The following CNNM1 variants were observed in gnomAD, a reference collection of about 807,000 sequenced individuals.
CNNM1 encodes metal transporter CNNM1.
Under a neutral mutation model 78.8 loss-of-function variants are expected in CNNM1, and 44 were observed. The ratio of observed to expected loss-of-function variants is 0.56; its 90% CI spans 0.44 to 0.72. The LOEUF is 0.72. Among genes scored for constraint, CNNM1 ranks in the 30% least tolerant of loss-of-function variants. The pLI is 0.00. For synonymous variants in CNNM1, 584 were observed against 581.5 expected (o/e 1.00, Z -0.06); for missense variants, 1,101 against 1,292.2 (o/e 0.85, Z 2.27).
At chr10:99,352,018 T>A (rs1340212193) in intron 1 of CNNM1, among the ~76,000 whole-genome samples, 1 of 152,212 alleles carries the variant, frequency 6.6e-6, no homozygotes, top group African/African-American at 2.4e-5. Flanking sequence ...CCTTTTAAAG[T>A]GCACACTTAA....
At chr10:99,358,470 C>G (rs182895855) in intron 2 of CNNM1, among the ~76,000 whole-genome samples, 1 of 152,180 alleles carries the variant, frequency 6.6e-6, no homozygotes, top group Non-Finnish European at 1.5e-5. Flanking sequence ...CCTTTTCTTC[C>G]TTGCAGATAA....
intron 1 of CNNM1, among the ~76,000 whole-genome samples, chr10:99,345,906 G>A (rs954432072): frequency 6.6e-6 from 1 of 151,746 alleles, no homozygotes; most frequent in Non-Finnish European, 1.5e-5. Context: ...TGTTGCCCAG[G>A]GTGGTGTCGA....
chr10:99,330,673 T>G lies in CNNM1; in HGVS notation c.1286T>G (p.Val429Gly). Reference sequence around the variant, plus strand: ...GCCCTGGAGCTGCGCACCAAAGTTGTGGAGGAGGTGCTGACCCCCCTGGGA... The same window carrying G: ...GCCCTGGAGCTGCGCACCAAAGTTGGGGAGGAGGTGCTGACCCCCCTGGGA... ...QGALELRTKV[V>G]EEVLTPLGDC... is the part of the protein sequence containing the mutation. Residue 429 changes from valine to glycine, a missense_variant, in exon 1 of 11, where the codon GTG (valine) becomes GGG (glycine). This residue lies in a region of CNNM1 where 277 missense variants were observed against 423.2 expected (regional missense o/e 0.65). Transcript: ENST00000356713. 1 of 1,613,922 alleles carries G rather than the reference T, an allele frequency of 6.2e-7. No individual in the cohort carries two copies. Among genetic ancestry groups the G allele is most frequent in the Non-Finnish European group, 8.5e-7 (1 of 1,179,844 alleles).
chr10:99,364,944 TC>T lies in CNNM1; in HGVS notation c.2129-10del. On this transcript the variant is annotated splice_polypyrimidine_tract_variant and intron_variant, in intron 5 of 10. Coordinates refer to ENST00000356713, the MANE Select transcript of CNNM1 (RefSeq NM_020348.3). ...TTGCCTCTGAAACCCACTGCATGCT[TC>T]TGTCCTTAGATAATGACGTGCGGAA... The T allele has an allele frequency of 6.2e-7, 1 of 1,613,534 alleles. No individual in the cohort carries two copies. The highest frequency in any genetic ancestry group is 8.5e-7 in the Non-Finnish European group (1 of 1,179,602).
At chr10:99,337,488 A>G (rs1014514945) in intron 1 of CNNM1, among the ~76,000 whole-genome samples, 1 of 152,218 alleles carries the variant, frequency 6.6e-6, no homozygotes, top group African/African-American at 2.4e-5. Flanking sequence ...CACTTCTGTC[A>G]GGAATATGCT....
At position 99,356,222 on chromosome 10, in the gene CNNM1, G is replaced by A. The variant is rs139387143; in HGVS notation, c.1574-1290G>A. Among the ~76,000 whole-genome samples, 283 of 152,114 alleles carry A rather than the reference G, an allele frequency of 1.9e-3. 2 individuals are homozygous for A. Among genetic ancestry groups the A allele is most frequent in the African/African-American group, 2.6e-3 (106 of 41,488 alleles). On this transcript the variant is annotated intron_variant, in intron 1 of 10. Coordinates refer to ENST00000356713, the MANE Select transcript of CNNM1 (RefSeq NM_020348.3). ...TGTAATCCCCGCACTTTGGGAGGCC[G>A]AGGCAGGTGGATCATGAGGTCGAGG...
At chr10:99,373,999 A>G (rs777889437) in intron 6 of CNNM1, among the ~76,000 whole-genome samples, 5 of 152,152 alleles carry the variant, frequency 3.3e-5, no homozygotes, top group Non-Finnish European at 7.3e-5. Flanking sequence ...TTGATTCTGT[A>G]TCTTTGCTAT....
intron 1 of CNNM1, among the ~76,000 whole-genome samples, chr10:99,346,780 T>C (rs2030713297): frequency 6.6e-6 from 1 of 152,156 alleles, no homozygotes; most frequent in Admixed American, 6.5e-5. Context: ...GCTAATATTT[T>C]TAATTTTTTA....
intron 7 of CNNM1, 77 bp from the exon 8 acceptor site, chr10:99,387,743 C>T (rs2134083228): frequency 1.4e-6 from 2 of 1,423,260 alleles, no homozygotes; most frequent in South Asian, 1.5e-5. Flanking sequence ...CGAGGCTGCC[C>T]CCGAGCCTGG....
chr10:99,391,461 CAGA>C lies in CNNM1; in HGVS notation c.2804_2806del (p.Glu935del). 6.2e-7 allele frequency: 1 copy of C among 1,613,920 alleles called. No individual in the cohort carries two copies. The highest frequency in any genetic ancestry group is 8.5e-7 in the Non-Finnish European group (1 of 1,179,850). ...GGTGGCCAAAAAAGGAAGAGGTCACCAGAAGGAGAGAGAACCTCTGAGGACAAC... is the reference window on the plus strand; with the variant it reads ...GGTGGCCAAAAAAGGAAGAGGTCACCAGGAGAGAGAACCTCTGAGGACAAC... On this transcript the variant is annotated inframe_deletion, in exon 11 of 11. Transcript: ENST00000356713.
At chr10:99,371,918 C>G (rs2031816086) in intron 6 of CNNM1, among the ~76,000 whole-genome samples, 1 of 152,146 alleles carries the variant, frequency 6.6e-6, no homozygotes, top group Non-Finnish European at 1.5e-5. Flanking sequence ...CCAAAGTAGG[C>G]CATTCCCCCT....
intron 4 of CNNM1, among the ~76,000 whole-genome samples, chr10:99,363,901 C>A (rs1484695077): frequency 5.3e-5 from 8 of 152,038 alleles, no homozygotes; most frequent in African/African-American, 1.4e-4. Context: ...TGCACCACCA[C>A]ACCCAGCTAA....
In CNNM1 at chr10:99,330,105, A is replaced by T; in HGVS notation, c.718A>T (p.Ser240Cys). The change falls in exon 1 of 11, where the codon AGC (serine) becomes TGC (cysteine). Residue 240 changes from serine (S) to cysteine (C), a missense_variant. Transcript: ENST00000356713. ...LLLLALSALF[S>C]GLRLSLLSLD... is the part of the protein sequence containing the mutation. ...GCTGCTAGCCTTGTCGGCCCTGTTC[A>T]GCGGCCTGCGCCTGAGCCTGCTGTC... 6.5e-7 allele frequency: 1 copy of T among 1,550,302 alleles called. No homozygotes were observed. The highest frequency in any genetic ancestry group is 8.7e-7 in the Non-Finnish European group (1 of 1,155,522).
intron 7 of CNNM1, chr10:99,377,442 T>G: frequency 2.8e-6 from 1 of 362,850 alleles, no homozygotes; most frequent in Non-Finnish European, 4.9e-6. Context: ...CTGACCCCCT[T>G]TTTTCATGTG....
Position 99,330,426 on chromosome 10 carries a change from T to A in CNNM1, c.1039T>A (p.Cys347Ser). The A allele has an allele frequency of 6.3e-7, 1 of 1,593,658 alleles. No homozygotes were observed. ...CGCCGAAATCTGCCCCTACTCAGTG[T>A]GTTCGCGGCACGGGCTGGCCATCGC... ...LGAEICPYSV[C>S]SRHGLAIASH... Residue 347 changes from cysteine to serine, a missense_variant, in exon 1 of 11, where the codon TGT becomes AGT. Transcript: ENST00000356713.
At position 99,390,409 on chromosome 10, in the gene CNNM1, T is replaced by C. The variant is rs745677726; in HGVS notation, c.2776+2T>C. The C allele has an allele frequency of 6.2e-7, 1 of 1,606,950 alleles. No homozygotes were observed. Among genetic ancestry groups the C allele is most frequent in the Non-Finnish European group, 8.5e-7 (1 of 1,175,472 alleles). ...GCAAGAAGCTGCTGAGAACCTTGAG[T>C]GAGTAGCTAGTTCTTCACCCAAATG... is the stretch of plus-strand genomic sequence containing the variant. On this transcript the variant is annotated splice_donor_variant, in intron 10 of 10. Coordinates refer to ENST00000356713, the MANE Select transcript of CNNM1 (RefSeq NM_020348.3). LOFTEE classifies it high-confidence loss of function.
intron 1 of CNNM1, among the ~76,000 whole-genome samples, chr10:99,356,818 G>A (rs1041192977): frequency 3.9e-5 from 6 of 152,162 alleles, no homozygotes; most frequent in African/African-American, 1.4e-4. Context: ...CCTACATGTG[G>A]CCTCTCCACT....
chr10:99,359,179 G>T (rs567225169), intron 2 of CNNM1, among the ~76,000 whole-genome samples: 1 of 92,806 alleles, frequency 1.1e-5, no homozygotes, highest in East Asian at 3.5e-4. Flanking sequence ...GAAATCTAAG[G>T]AGAAGGGGGC....
chr10:99,382,887 C>A (rs974908919), intron 7 of CNNM1, among the ~76,000 whole-genome samples: 3 of 152,210 alleles, frequency 2.0e-5, no homozygotes, highest in Non-Finnish European at 4.4e-5. Context: ...AATAAACAGA[C>A]CTCCGCTTCC....
Sources: allele counts gnomAD v4.1 joint callset (sites outside exome capture counted in the v4.1 genomes callset), GRCh38; gene constraint gnomAD v4.1.1; regional missense constraint gnomAD v4.1.1; transcripts MANE v1.5; gene names NCBI Gene and HGNC (gene_info 2026-07-23, HGNC 2026-07-21).